The following CHD8 variants were observed in gnomAD, a reference collection of about 807,000 sequenced individuals.
The protein encoded by CHD8 is ATP-dependent chromatin remodeler CHD8.
A neutral mutation model predicts 279.2 loss-of-function variants in CHD8; 31 were observed. The observed-to-expected ratio is 0.11, with a 90% CI of 0.08 to 0.15. CHD8 has a LOEUF of 0.15. Ranked by LOEUF, CHD8 falls within the 10% of genes least tolerant of loss-of-function variation. The pLI, the probability that CHD8 is intolerant of heterozygous loss-of-function variation, is 1.00. For missense variants in CHD8, 2,146 were observed against 3,230.5 expected (o/e 0.66, Z 8.14); for synonymous variants, 1,081 against 1,139.6 (o/e 0.95, Z 1.04).
intron 3 of CHD8, 76 bp from the exon 4 acceptor site, chr14:21,428,330 G>A: frequency 2.2e-6 from 3 of 1,389,618 alleles, no homozygotes; most frequent in Admixed American, 4.0e-5. Flanking sequence ...TCTGAAGCAG[G>A]GGGGCTAGAA....
At chr14:21,411,477 T>C (rs1888490211) in intron 10 of CHD8, among the ~76,000 whole-genome samples, 1 of 152,140 alleles carries the variant, frequency 6.6e-6, no homozygotes, top group Non-Finnish European at 1.5e-5. Flanking sequence ...TAGAATGATG[T>C]ATGGGAGGAT....
rs754713535 is a variant in CHD8, at chr14:21,403,435, G to A, written c.3518+18C>T. 3.2e-6 allele frequency: 5 copies of A among 1,583,158 alleles called. No homozygotes were observed. The highest frequency in any genetic ancestry group is 3.5e-6 in the Non-Finnish European group (4 of 1,154,680). ...ATGAGGACAGAGTAACCACAGGCTA[G>A]GATGACTCTTTTCTTACCTCCTCTG... On this transcript the variant is annotated intron_variant, in intron 17 of 37. Coordinates refer to ENST00000646647, the MANE Select transcript of CHD8 (RefSeq NM_001170629.2). This position sits in a 1 kb window ranked among gnomAD's most constrained non-coding sequence, Gnocchi z 4.3.
intron 36 of CHD8, 126 bp downstream of exon 36, chr14:21,391,337 A>G: frequency 1.1e-6 from 1 of 901,550 alleles, no homozygotes; most frequent in Non-Finnish European, 1.7e-6. Flanking sequence ...ACTGGGTATT[A>G]TTAATTATTA....
intron 1 of CHD8, chr14:21,436,853 G>C (rs982696417): frequency 1.3e-6 from 1 of 744,724 alleles, no homozygotes; most frequent in Non-Finnish European, 2.0e-6. Flanking sequence ...GGTTGATGGA[G>C]AGGAAAACGC....
At position 21,429,297 on chromosome 14, in the gene CHD8, T is replaced by C. The variant is rs1032964790; in HGVS notation, c.882A>G (p.Pro294=). Residue 294 remains proline (P), a synonymous_variant, in exon 3 of 38, where the codon CCA becomes CCG. Coordinates refer to ENST00000646647, the MANE Select transcript of CHD8 (RefSeq NM_001170629.2). ...GATGTCCTTGGGGACCTCCAGACTG[T>C]GGCTGCTGGAGGACCAGGGTGATGC... ...SKRITLVLQQ[P]QSGGPQGHRH... The C allele has an allele frequency of 2.5e-6, 4 of 1,605,244 alleles. No individual in the cohort carries two copies. The Admixed American group carries it at 5.0e-5, about 20-fold the overall frequency.
intron 20 of CHD8, 82 bp from the exon 21 acceptor site, chr14:21,401,595 T>A: frequency 1.1e-6 from 1 of 902,548 alleles, no homozygotes; most frequent in Non-Finnish European, 1.7e-6. Context: ...TAAAAACATT[T>A]TTTTTTTGAG....
At chr14:21,416,069 T>C (rs920963407) in intron 5 of CHD8, 162 bp from the exon 6 acceptor site, 104 of 633,722 alleles carry the variant, frequency 1.6e-4, no homozygotes, top group Non-Finnish European at 1.7e-4. Flanking sequence ...AATGTGATTA[T>C]GCTATGTACT....
chr14:21,412,082 A>C (rs1187571726), intron 10 of CHD8, among the ~76,000 whole-genome samples: 1 of 152,170 alleles, frequency 6.6e-6, no homozygotes, highest in Non-Finnish European at 1.5e-5. Context: ...CCAAAAAAAA[A>C]GAAAAAGAAA....
rs749933003 is a variant in CHD8 at position 21,393,512 on chromosome 14, T to TGCTGGA, written c.6277_6282dup (p.Ser2093_Ser2094dup). 4.7e-5 allele frequency: 74 copies of TGCTGGA among 1,589,500 alleles called. No individual in the cohort carries two copies. The highest frequency in any genetic ancestry group is 6.0e-5 in the Non-Finnish European group (70 of 1,167,346). On this transcript the variant is annotated inframe_insertion, in exon 32 of 38. Transcript: ENST00000646647. ...TCCTTCTCATCCTCACTCTCATCAGTGCTGGAGCTGGAGCTGGATGAGGAT... is the reference window on the plus strand; with the variant it reads ...TCCTTCTCATCCTCACTCTCATCAGTGCTGGAGCTGGAGCTGGAGCTGGATGAGGAT...
At chr14:21,437,231 T>A (rs1889823569) in intron 1 of CHD8, 1 of 1,185,304 alleles carries the variant, frequency 8.4e-7, no homozygotes, top group Non-Finnish European at 1.1e-6. Flanking sequence ...CCCCTCTCCC[T>A]GTCTCTCCAG....
intron 20 of CHD8, 33 bp from the exon 21 acceptor site, chr14:21,401,546 CTTT>C (rs113076568): frequency 2.3e-6 from 2 of 874,324 alleles, no homozygotes; most frequent in South Asian, 2.0e-5. Context: ...GTAAAGCTGA[CTTT>C]TTTTTTTAAG....
In CHD8 at chr14:21,393,979, C is replaced by T. The variant is rs751815253; in HGVS notation, c.5816G>A (p.Arg1939His). The change falls in exon 32 of 38, where the codon CGC becomes CAC. Residue 1939 changes from arginine to histidine, a missense_variant. Around this residue, in one of 26 missense-constraint regions of CHD8, gnomAD observed 513 missense variants for 637.6 expected, o/e 0.80. Coordinates refer to ENST00000646647, the MANE Select transcript of CHD8 (RefSeq NM_001170629.2). ...GCAGTCTGTTTGGCTCACCCCATGG[C>T]GGGCTGCCCCTCTTAGAAGCTCCCC... ...HDGELLRGAA[R>H]HGVSQTDCNI... The T allele has an allele frequency of 5.7e-5, 92 of 1,613,800 alleles. No individual in the cohort carries two copies. The highest frequency in any genetic ancestry group is 1.0e-4 in the Admixed American group (6 of 60,000).
At chr14:21,411,312 G>A (rs1233705306) in intron 10 of CHD8, among the ~76,000 whole-genome samples, 51 of 152,138 alleles carry the variant, frequency 3.4e-4, no homozygotes, top group Admixed American at 3.0e-3. Context: ...AGCAGAATAC[G>A]TTATGTGAAG....
intron 35 of CHD8, 58 bp from the exon 36 acceptor site, chr14:21,391,700 G>T: frequency 6.7e-7 from 1 of 1,501,972 alleles, no homozygotes; most frequent in South Asian, 1.3e-5. Flanking sequence ...GAGGGAGGGA[G>T]GGGGAGCAGG....
rs760454358 is a variant in CHD8 at position 21,394,040 on chromosome 14, C to G, written c.5755G>C (p.Glu1919Gln). The change falls in exon 32 of 38, where the codon GAA (glutamate) becomes CAA (glutamine). Residue 1919 changes from glutamate to glutamine, a missense_variant. Coordinates refer to ENST00000646647, the MANE Select transcript of CHD8 (RefSeq NM_001170629.2). ...ACAGGCTCCCACCATTTGGGCAATT[C>G]AGGACCAGGAGGCTGACACAATGCC... ...RLALCQPPGPELPKWWEPVRH... is the reference protein window; with the variant it reads ...RLALCQPPGPQLPKWWEPVRH... 1.2e-6 allele frequency: 2 copies of G among 1,613,886 alleles called. No homozygotes were observed. Among genetic ancestry groups the G allele is most frequent in the Non-Finnish European group, 1.7e-6 (2 of 1,179,850 alleles).
chr14:21,449,262 T>C (rs1458247177), intron 1 of CHD8, among the ~76,000 whole-genome samples: 1 of 152,170 alleles, frequency 6.6e-6, no homozygotes, highest in Non-Finnish European at 1.5e-5. Flanking sequence ...CTACTCTTGG[T>C]TGTGTTACCT....
At chr14:21,431,967 A>T (rs1889584022) in intron 1 of CHD8, 109 bp from the exon 2 acceptor site, 1 of 693,942 alleles carries the variant, frequency 1.4e-6, no homozygotes, top group Non-Finnish European at 2.6e-6. Flanking sequence ...TGAATATAAG[A>T]GGGAAATGTG....
In CHD8 at chr14:21,385,733, C is replaced by T; in HGVS notation, c.7626G>A (p.Glu2542=). ...PPLQPEEDDD[E]DEEDDDDLSQ... is the part of the protein sequence containing the mutation. ...ATAAGTCATCATCATCTTCTTCATCCTCATCGTCATCCTCCTCAGGTTGCA... is the reference window on the plus strand; with the variant it reads ...ATAAGTCATCATCATCTTCTTCATCTTCATCGTCATCCTCCTCAGGTTGCA... The change falls in exon 38 of 38, where the codon GAG becomes GAA. Residue 2542 remains glutamate (E), a synonymous_variant. Coordinates refer to ENST00000646647, the MANE Select transcript of CHD8 (RefSeq NM_001170629.2). 6.4e-7 allele frequency: 1 copy of T among 1,551,596 alleles called. No homozygotes were observed. Among genetic ancestry groups the T allele is most frequent in the Non-Finnish European group, 8.7e-7 (1 of 1,146,968 alleles).
In CHD8 at chr14:21,414,422, A is replaced by C; in HGVS notation, c.2025-4T>G. 7.0e-7 allele frequency: 1 copy of C among 1,438,290 alleles called. No individual in the cohort carries two copies. Among genetic ancestry groups the C allele is most frequent in the Non-Finnish European group, 9.6e-7 (1 of 1,041,424 alleles). 89.1% of individuals were successfully genotyped at this position (1,438,290 alleles called of 1,614,324 possible). ...CCATTCACAATGCAGATAGGAGCTA[A>C]GGGGGATGGAAAAATCCAGTCATGG... On this transcript the variant is annotated splice_region_variant and splice_polypyrimidine_tract_variant and intron_variant, in intron 8 of 37. Coordinates refer to ENST00000646647, the MANE Select transcript of CHD8 (RefSeq NM_001170629.2).
Sources: allele counts gnomAD v4.1 joint callset (sites outside exome capture counted in the v4.1 genomes callset), GRCh38; gene constraint gnomAD v4.1.1; regional missense constraint gnomAD v4.1.1; non-coding constraint Gnocchi (gnomAD v3.1); transcripts MANE v1.5; gene names NCBI Gene and HGNC (gene_info 2026-07-23, HGNC 2026-07-21).